The following CADPS2 variants were observed in gnomAD, a reference collection of about 807,000 sequenced individuals.
CADPS2 encodes the protein calcium dependent secretion activator 2.
CADPS2 carries 93 observed loss-of-function variants against 172.5 expected under a neutral mutation model. The observed-to-expected ratio is 0.54, with a 90% CI of 0.46 to 0.64. The LOEUF (loss-of-function observed/expected upper bound fraction) is 0.64, where lower values mean the gene tolerates loss of function less well. Among genes scored for constraint, CADPS2 ranks in the 30% least tolerant of loss-of-function variants. The probability of loss-of-function intolerance (pLI) is 0.00; values close to 1 mark genes in which losing one functional copy is unlikely to be tolerated. For synonymous variants in CADPS2, 546 were observed against 555.2 expected (o/e 0.98, Z 0.23); for missense variants, 1,420 against 1,565.9 (o/e 0.91, Z 1.57).
intron 3 of CADPS2, among the ~76,000 whole-genome samples, chr7:122,634,684 T>C (rs1439611211): frequency 6.6e-6 from 1 of 152,176 alleles, no homozygotes; most frequent in Non-Finnish European, 1.5e-5. Flanking sequence ...CTGATTTTAG[T>C]TATTTCTTCT....
At chr7:122,854,606 G>A (rs756165247) in intron 1 of CADPS2, among the ~76,000 whole-genome samples, 1 of 152,190 alleles carries the variant, frequency 6.6e-6, no homozygotes, top group Admixed American at 6.5e-5. Flanking sequence ...CACATGCAAG[G>A]ACAAGAGAGG....
chr7:122,422,486 T>C (rs1304963256), intron 17 of CADPS2, among the ~76,000 whole-genome samples: 2 of 152,186 alleles, frequency 1.3e-5, no homozygotes, highest in Non-Finnish European at 2.9e-5. Context: ...GAGATAGTGA[T>C]TGATCCCCTA....
At chr7:122,744,926 C>T (rs759906163) in intron 1 of CADPS2, among the ~76,000 whole-genome samples, 1 of 151,740 alleles carries the variant, frequency 6.6e-6, no homozygotes, top group Admixed American at 6.6e-5. Flanking sequence ...CATGAGTTTC[C>T]TTGTCATGTT....
In CADPS2 at chr7:122,863,115, T is replaced by C. The variant is rs557515294; in HGVS notation, c.339+22884A>G. Among the ~76,000 whole-genome samples the C allele has an allele frequency of 6.6e-5, 10 of 152,310 alleles. No individual in the cohort carries two copies. In the East Asian group the frequency reaches 1.5e-3, roughly 24 times the overall value. ...AAGCATCCTGTATTGATAATACAAA[T>C]ATCACAACCATTATTGCTGCTGGTG... is the stretch of plus-strand genomic sequence containing the variant. On this transcript the variant is annotated intron_variant, in intron 1 of 29. Transcript: ENST00000449022.
chr7:122,813,611 C>T (rs768160780), intron 1 of CADPS2, among the ~76,000 whole-genome samples: 18 of 152,136 alleles, frequency 1.2e-4, no homozygotes, highest in Middle Eastern at 3.4e-3. Context: ...TCAAGTTGGA[C>T]TTAAGTAAAC....
At chr7:122,862,732 T>TAA (rs1311563055) in intron 1 of CADPS2, among the ~76,000 whole-genome samples, 1 of 150,564 alleles carries the variant, frequency 6.6e-6, no homozygotes, top group African/African-American at 2.4e-5. Flanking sequence ...TTGTTTTTTT[T>TAA]AAAAAAAAAA....
In CADPS2 at chr7:122,665,987, G is replaced by A. The variant is rs987790106; in HGVS notation, c.454-2418C>T. Among the ~76,000 whole-genome samples, 6 of 152,142 alleles carry A rather than the reference G, an allele frequency of 3.9e-5. No homozygotes were observed. In the South Asian group the frequency reaches 1.2e-3, roughly 32 times the overall value. ...TTAACAATATGTTTTGTCTAAGAAT[G>A]ACAAGAGCTACTTCAGAACTCAGAT... On this transcript the variant is annotated intron_variant, in intron 2 of 29. Coordinates refer to ENST00000449022, the MANE Select transcript of CADPS2 (RefSeq NM_017954.11).
At position 122,858,995 on chromosome 7, in the gene CADPS2, C is replaced by T. The variant is rs575725577; in HGVS notation, c.339+27004G>A. ...TTGGTCAGGGAACAGGGCCTGAGGG[C>T]CAGGCATATAAAAAAAAATTAGGTA... On this transcript the variant is annotated intron_variant, in intron 1 of 29. Transcript: ENST00000449022. 5.3e-5 allele frequency among the ~76,000 whole-genome samples: 8 copies of T among 152,228 alleles called. No homozygotes were observed. In the East Asian group the frequency reaches 1.3e-3, roughly 26 times the overall value.
chr7:122,637,166 T>G (rs1255351584), intron 3 of CADPS2, among the ~76,000 whole-genome samples: 1 of 136,978 alleles, frequency 7.3e-6, no homozygotes, highest in African/African-American at 2.7e-5. Context: ...CATTATGAAA[T>G]TTTGCTTTTT....
intron 14 of CADPS2, among the ~76,000 whole-genome samples, chr7:122,457,693 G>A (rs1232681894): frequency 1.3e-5 from 2 of 152,156 alleles, no homozygotes; most frequent in African/African-American, 4.8e-5. Context: ...GTGCTGACGA[G>A]CATCCGTTCT....
intron 1 of CADPS2, among the ~76,000 whole-genome samples, chr7:122,744,962 T>C (rs1463796858): frequency 8.5e-6 from 1 of 118,208 alleles, no homozygotes; most frequent in African/African-American, 4.5e-5. Context: ...CATGTACATC[T>C]CATTTTTCTT....
chr7:122,603,797 A>C (rs1217162579), intron 6 of CADPS2, among the ~76,000 whole-genome samples: 1 of 152,114 alleles, frequency 6.6e-6, no homozygotes, highest in African/African-American at 2.4e-5. Context: ...GAATTCTTGA[A>C]AAATTCTACT....
chr7:122,550,317 T>C (rs2064108831), intron 8 of CADPS2, among the ~76,000 whole-genome samples: 1 of 152,162 alleles, frequency 6.6e-6, no homozygotes, highest in Non-Finnish European at 1.5e-5. Context: ...TTCAACAAAA[T>C]GTGTAAATAG....
chr7:122,857,594 A>C (rs1056234524), intron 1 of CADPS2, among the ~76,000 whole-genome samples: 2 of 152,164 alleles, frequency 1.3e-5, no homozygotes, highest in Non-Finnish European at 1.5e-5. Context: ...CAGAATTCCA[A>C]TTATGAGGTC....
intron 3 of CADPS2, among the ~76,000 whole-genome samples, chr7:122,654,294 A>G (rs904899770): frequency 2.0e-5 from 3 of 152,228 alleles, no homozygotes; most frequent in African/African-American, 7.2e-5. Context: ...TGACTACACT[A>G]AACAACATAT....
chr7:122,441,441 C>T (rs1443882629), intron 16 of CADPS2, 71 bp downstream of exon 16: 1 of 989,436 alleles, frequency 1.0e-6, no homozygotes, highest in South Asian at 1.7e-5. Flanking sequence ...GTCTGTCTCC[C>T]TAGTTCAATA....
chr7:122,493,987 G>A (rs1443788156), intron 9 of CADPS2, among the ~76,000 whole-genome samples: 5 of 152,080 alleles, frequency 3.3e-5, no homozygotes, highest in African/African-American at 1.2e-4. Flanking sequence ...ATAGTATCCA[G>A]TTATTTAATC....
chr7:122,491,480 CGTTT>C, intron 9 of CADPS2, 60 bp from the exon 10 acceptor site: 2 of 837,506 alleles, frequency 2.4e-6, no homozygotes, highest in Non-Finnish European at 3.7e-6. Context: ...ATTTAACTTT[CGTTT>C]TTTTATCAAA....
intron 2 of CADPS2, among the ~76,000 whole-genome samples, chr7:122,736,465 T>C (rs2092156854): frequency 6.6e-6 from 1 of 152,168 alleles, no homozygotes. Context: ...GAAACTCCTA[T>C]GAGTCACAAG....
Sources: allele counts gnomAD v4.1 joint callset (sites outside exome capture counted in the v4.1 genomes callset), GRCh38; gene constraint gnomAD v4.1.1; transcripts MANE v1.5; gene names NCBI Gene and HGNC (gene_info 2026-07-23, HGNC 2026-07-21).